The following COLEC10 variants were observed in gnomAD, a reference collection of about 807,000 sequenced individuals.
The protein encoded by COLEC10 is collectin-10.
Under a neutral mutation model 28.4 loss-of-function variants are expected in COLEC10, and 22 were observed. The ratio of observed to expected loss-of-function variants is 0.78; its 90% CI spans 0.55 to 1.11. The LOEUF is 1.11. Ranked by LOEUF, COLEC10 falls within the 50% of genes least tolerant of loss-of-function variation. The pLI, the probability that COLEC10 is intolerant of heterozygous loss-of-function variation, is 0.00. For synonymous variants in COLEC10, 125 were observed against 116.1 expected, an observed-to-expected ratio of 1.08 and a Z score of -0.49; for missense variants, 361 against 344.1, an observed-to-expected ratio of 1.05 and a Z score of -0.39.
intron 1 of COLEC10, among the ~76,000 whole-genome samples, chr8:119,074,795 C>T (rs147912814): frequency 7.2e-4 from 109 of 152,258 alleles, no homozygotes; most frequent in Middle Eastern, 3.4e-3. Flanking sequence ...CTGAGCCTGG[C>T]GTTCCTTATT....
At chr8:119,102,895 T>C (rs938838422) in intron 4 of COLEC10, among the ~76,000 whole-genome samples, 6 of 152,142 alleles carry the variant, frequency 3.9e-5, no homozygotes, top group South Asian at 2.1e-4. Context: ...AGAAAGTAGA[T>C]TGTACTTTGG....
chr8:119,023,959 G>T (rs777785389), intron 2 of COLEC10, among the ~76,000 whole-genome samples: 1 of 152,130 alleles, frequency 6.6e-6, no homozygotes, highest in Non-Finnish European at 1.5e-5. Flanking sequence ...AACCTCATAC[G>T]CATGTATATT....
chr8:119,018,251 A>G (rs1024379352), intron 2 of COLEC10, among the ~76,000 whole-genome samples: 2 of 152,220 alleles, frequency 1.3e-5, no homozygotes, highest in Non-Finnish European at 2.9e-5. Context: ...GGTAGCTAAA[A>G]CAGACTTCTC....
At chr8:119,102,231 CCT>C in intron 3 of COLEC10, 115 bp from the exon 4 acceptor site, 1 of 306,648 alleles carries the variant, frequency 3.3e-6, no homozygotes, top group Admixed American at 4.7e-5. Context: ...TCCCTCCCTC[CCT>C]CCCTCCCTCC....
chr8:118,954,654 C>T, the COLEC10 span, among the ~76,000 whole-genome samples: 4 of 152,346 alleles, frequency 2.6e-5, no homozygotes, highest in South Asian at 4.1e-4. Context: ...CTAGGGGACA[C>T]CTCATCAGAT....
At chr8:118,954,257 G>C in the COLEC10 span, among the ~76,000 whole-genome samples, 1 of 152,214 alleles carries the variant, frequency 6.6e-6, no homozygotes, top group African/African-American at 2.4e-5. Context: ...ACTGTGTATT[G>C]ATTGTGCATC....
At chr8:119,004,737 T>C (rs918101071) in intron 1 of COLEC10, among the ~76,000 whole-genome samples, 25 of 151,836 alleles carry the variant, frequency 1.6e-4, no homozygotes, top group African/African-American at 5.6e-4. Flanking sequence ...TTCTAACTTG[T>C]AGTAGGTCAC....
At chr8:119,021,604 A>C (rs1814095964) in intron 2 of COLEC10, among the ~76,000 whole-genome samples, 1 of 152,128 alleles carries the variant, frequency 6.6e-6, no homozygotes, top group Non-Finnish European at 1.5e-5. Context: ...GAGTCCTATG[A>C]ACTTACTGAG....
the COLEC10 span, among the ~76,000 whole-genome samples, chr8:118,963,183 TA>T: frequency 2.0e-5 from 3 of 152,170 alleles, no homozygotes; most frequent in African/African-American, 7.2e-5. Context: ...AATAAAGTGA[TA>T]AAGGTAATAA....
chr8:119,028,278 G>A (rs143995844), intron 2 of COLEC10, among the ~76,000 whole-genome samples: 2 of 152,248 alleles, frequency 1.3e-5, no homozygotes, highest in East Asian at 3.9e-4. Flanking sequence ...TTGCACAGGA[G>A]TATAAAGGAC....
intron 2 of COLEC10, among the ~76,000 whole-genome samples, chr8:119,011,556 G>T (rs1363029383): frequency 1.3e-5 from 2 of 150,846 alleles, no homozygotes; most frequent in Admixed American, 1.3e-4. Flanking sequence ...CATAGATCAA[G>T]TTAGAAAGAA....
chr8:119,089,340 C>A (rs928788416), intron 1 of COLEC10, among the ~76,000 whole-genome samples: 8 of 150,900 alleles, frequency 5.3e-5, no homozygotes, highest in African/African-American at 2.0e-4. Flanking sequence ...TGTGTGTGTG[C>A]GTGTGTGTTT....
upstream of COLEC10, among the ~76,000 whole-genome samples, chr8:119,066,086 A>C (rs544741371): frequency 2.0e-5 from 3 of 152,234 alleles, no homozygotes; most frequent in South Asian, 4.1e-4. Context: ...TATTTCTTGG[A>C]TTGATGGTTA....
chr8:119,086,217 G>A (rs1587053477), intron 1 of COLEC10, among the ~76,000 whole-genome samples: 1 of 152,236 alleles, frequency 6.6e-6, no homozygotes, highest in Admixed American at 6.5e-5. Context: ...GAGTGGGTGT[G>A]AGCAAAGCAA....
chr8:118,959,743 G>C, the COLEC10 span, among the ~76,000 whole-genome samples: 2 of 152,210 alleles, frequency 1.3e-5, no homozygotes, highest in Non-Finnish European at 2.9e-5. Context: ...AGTCATGTCA[G>C]CTGGGACATG....
At chr8:119,038,172 CTTTGA>C (rs1378168578) in intron 2 of COLEC10, among the ~76,000 whole-genome samples, 1 of 152,196 alleles carries the variant, frequency 6.6e-6, no homozygotes. Flanking sequence ...TAAACTTGGG[CTTTGA>C]TATGAGATCA....
chr8:119,015,152 T>A (rs1472630982), intron 2 of COLEC10, among the ~76,000 whole-genome samples: 1 of 150,770 alleles, frequency 6.6e-6, no homozygotes, highest in African/African-American at 2.5e-5. Flanking sequence ...TTGCAGGGCA[T>A]GATGTATTGG....
chr8:118,965,286 T>G, the COLEC10 span, among the ~76,000 whole-genome samples: 59 of 152,256 alleles, frequency 3.9e-4, no homozygotes, highest in East Asian at 0.011. Context: ...CTCAGGCTCT[T>G]TCTACCTTTC....
intron 2 of COLEC10, among the ~76,000 whole-genome samples, chr8:119,030,740 A>C (rs1814273018): frequency 6.6e-6 from 1 of 152,208 alleles, no homozygotes; most frequent in South Asian, 2.1e-4. Context: ...ATTTTTAAGA[A>C]AATGTGGTTC....
Sources: allele counts gnomAD v4.1 joint callset (sites outside exome capture counted in the v4.1 genomes callset), GRCh38; gene constraint gnomAD v4.1.1; transcripts MANE v1.5; gene names NCBI Gene and HGNC (gene_info 2026-07-23, HGNC 2026-07-21).